SCYL2: variants seen among roughly 807,000 people sequenced by gnomAD.
The protein encoded by SCYL2 is SCY1 like pseudokinase 2.
A neutral mutation model predicts 100.4 loss-of-function variants in SCYL2; 36 were observed. The ratio of observed to expected loss-of-function variants is 0.36; its 90% CI spans 0.27 to 0.47. SCYL2 has a LOEUF of 0.47. SCYL2 is among the 20% of genes least tolerant of loss of function. The probability of loss-of-function intolerance (pLI) is 1.00; values close to 1 mark genes in which losing one functional copy is unlikely to be tolerated. For missense variants in SCYL2, 902 were observed against 1,083.9 expected, an observed-to-expected ratio of 0.83 and a Z score of 2.36; for synonymous variants, 330 against 359.2, an observed-to-expected ratio of 0.92 and a Z score of 0.92.
intron 1 of SCYL2, among the ~76,000 whole-genome samples, chr12:100,280,980 G>A (rs551573475): frequency 7.6e-6 from 1 of 131,238 alleles, no homozygotes; most frequent in African/African-American, 2.9e-5. Flanking sequence ...TCTTCTGACT[G>A]TATGCTTATG....
intron 7 of SCYL2, 112 bp from the exon 8 acceptor site, chr12:100,314,377 C>T (rs919369126): frequency 2.0e-5 from 14 of 700,750 alleles, no homozygotes; most frequent in Middle Eastern, 4.1e-4. Context: ...TGATCTTCAG[C>T]ATTTTGCTAA....
intron 1 of SCYL2, among the ~76,000 whole-genome samples, chr12:100,268,142 A>G (rs1441466794): frequency 6.6e-6 from 1 of 152,186 alleles, no homozygotes; most frequent in Non-Finnish European, 1.5e-5. Context: ...AGCTGCTTAA[A>G]AGCGCTATGC....
chr12:100,302,813 G>A (rs1055096370), intron 4 of SCYL2, among the ~76,000 whole-genome samples: 1 of 152,090 alleles, frequency 6.6e-6, no homozygotes, highest in South Asian at 2.1e-4. Context: ...GCTAGGTTGG[G>A]GAAGTTCTCC....
chr12:100,335,633 A>T lies in SCYL2; in HGVS notation c.1871A>T (p.Asp624Val). ...HIMQEQQKSL[D>V]IGNQMNVSEE... ...ATTCAACTCTCCTACAGATCTTTGGATATAGGAAATCAAATGAATGTTTCT... is the reference window on the plus strand; with the variant it reads ...ATTCAACTCTCCTACAGATCTTTGGTTATAGGAAATCAAATGAATGTTTCT... The change falls in exon 15 of 18, where the codon GAT becomes GTT. Residue 624 changes from aspartate to valine, a missense_variant. Physicochemically the swap from Asp to Val is radical, Grantham distance 152 (BLOSUM62 -3). Transcript: ENST00000360820. The T allele has an allele frequency of 6.2e-7, 1 of 1,600,844 alleles. No homozygotes were observed. The highest frequency in any genetic ancestry group is 8.5e-7 in the Non-Finnish European group (1 of 1,170,044).
intron 1 of SCYL2, among the ~76,000 whole-genome samples, chr12:100,275,269 A>G (rs1454447268): frequency 6.6e-6 from 1 of 151,726 alleles, no homozygotes; most frequent in Non-Finnish European, 1.5e-5. Context: ...TAGTGTGATC[A>G]CAGCTCACTG....
chr12:100,338,979 A>C lies in SCYL2; in HGVS notation c.2597A>C (p.Asn866Thr). The change falls in exon 18 of 18, where the codon AAT (asparagine) becomes ACT (threonine). Residue 866 changes from asparagine to threonine, a missense_variant. By Grantham distance (65) the Asn-to-Thr change is moderately conservative. Coordinates refer to ENST00000360820, the MANE Select transcript of SCYL2 (RefSeq NM_017988.6). ...CAACAGAAACCAAATCAGTGGCTTA[A>C]TCAGTTTGTACCTCCTCAAGGTTCT... The part of the protein sequence containing the change: ...LSQQKPNQWL[N>T]QFVPPQGSPT... 6.2e-7 allele frequency: 1 copy of C among 1,614,148 alleles called. No individual in the cohort carries two copies. The highest frequency in any genetic ancestry group is 1.1e-5 in the South Asian group (1 of 91,080).
At chr12:100,291,702 A>G in intron 3 of SCYL2, 42 bp downstream of exon 3, 1 of 1,489,210 alleles carries the variant, frequency 6.7e-7, no homozygotes, top group Non-Finnish European at 9.0e-7. Flanking sequence ...TTCCTGAACA[A>G]ATAGTTAAAA....
chr12:100,315,753 T>C lies in SCYL2; in HGVS notation c.1272+19T>C, dbSNP rs1592957841. 1 of 1,567,104 alleles carries C rather than the reference T, an allele frequency of 6.4e-7. No homozygotes were observed. Among genetic ancestry groups the C allele is most frequent in the East Asian group, 2.2e-5 (1 of 44,468 alleles). On this transcript the variant is annotated intron_variant, in intron 9 of 17. Coordinates refer to ENST00000360820, the MANE Select transcript of SCYL2 (RefSeq NM_017988.6). ...AATCCAGGTATGTTATAGATATTTT[T>C]GTGTATTTATCTACTGTTATTTATG...
chr12:100,272,891 A>G (rs191568335), intron 1 of SCYL2, among the ~76,000 whole-genome samples: 15 of 152,364 alleles, frequency 9.8e-5, no homozygotes, highest in Admixed American at 9.8e-4. Context: ...ACATGTAAAT[A>G]CAAAATAAAT....
rs543846144 is a variant in SCYL2 at position 100,267,356 on chromosome 12, G to T, written c.-465G>T. ...GGAGGCGTTTATTAGGGGGGCGGGG[G>T]GAAAGAGCCCCAGCACCGCCCCTCC... On this transcript the variant is annotated 5_prime_UTR_variant, in exon 1 of 18. Coordinates refer to ENST00000360820, the MANE Select transcript of SCYL2 (RefSeq NM_017988.6). 2 of 334,970 alleles carry T rather than the reference G, an allele frequency of 6.0e-6. No individual in the cohort carries two copies. Among genetic ancestry groups the T allele is most frequent in the Admixed American group, 9.9e-5 (2 of 20,268 alleles). 20.7% of individuals were successfully genotyped at this position (334,970 alleles called of 1,614,324 possible). A position where few individuals can be genotyped will look rare whatever the true frequency, so the allele number is the denominator to read the frequency against.
chr12:100,294,282 G>C (rs1398471725), intron 3 of SCYL2, among the ~76,000 whole-genome samples: 17 of 131,158 alleles, frequency 1.3e-4, no homozygotes, highest in Admixed American at 1.2e-3. Flanking sequence ...CCTCCCGGAC[G>C]GGGCGGCTGG....
intron 11 of SCYL2, among the ~76,000 whole-genome samples, chr12:100,324,445 T>C (rs2096359569): frequency 6.6e-6 from 1 of 152,216 alleles, no homozygotes; most frequent in South Asian, 2.1e-4. Context: ...TTTGTAAAAC[T>C]AGTTCTCTGG....
chr12:100,276,352 A>G (rs2096292458), intron 1 of SCYL2, among the ~76,000 whole-genome samples: 1 of 151,968 alleles, frequency 6.6e-6, no homozygotes, highest in Non-Finnish European at 1.5e-5. Flanking sequence ...TATTTTTGAA[A>G]TAGGATCCCA....
rs1592931758 is a variant in SCYL2, at chr12:100,283,167, C to G, written c.177+20C>G. On this transcript the variant is annotated intron_variant, in intron 2 of 17. Transcript: ENST00000360820. ...AAGCAGGTGAGTTTTAATTCAGCAT[C>G]CACTTGGAAAAAACCCACATGCTAA... 6.4e-7 allele frequency: 1 copy of G among 1,562,936 alleles called. No individual in the cohort carries two copies. The highest frequency in any genetic ancestry group is 1.4e-5 in the African/African-American group (1 of 72,704).
chr12:100,291,825 C>A, intron 3 of SCYL2, 165 bp downstream of exon 3: 4 of 596,424 alleles, frequency 6.7e-6, no homozygotes, highest in Non-Finnish European at 1.1e-5. Context: ...GCATTGTCTA[C>A]GTATATGTCT....
chr12:100,320,269 G>A (rs1001562201), intron 10 of SCYL2, among the ~76,000 whole-genome samples: 3 of 152,190 alleles, frequency 2.0e-5, no homozygotes, highest in Admixed American at 6.5e-5. Flanking sequence ...CCCGGGCTGG[G>A]TGCGGTGGCT....
At chr12:100,294,162 CT>C (rs1566351031) in intron 3 of SCYL2, among the ~76,000 whole-genome samples, 3 of 137,020 alleles carry the variant, frequency 2.2e-5, no homozygotes, top group African/African-American at 9.2e-5. Flanking sequence ...GGGGGGCTGA[CT>C]CCCCCACCTC....
chr12:100,294,381 G>C (rs1334326417), intron 3 of SCYL2, among the ~76,000 whole-genome samples: 11 of 119,796 alleles, frequency 9.2e-5, no homozygotes, highest in Admixed American at 3.2e-4. Flanking sequence ...CCGGGCGGGG[G>C]GCTGACCCCC....
At chr12:100,336,782 A>T (rs1423916110) in intron 16 of SCYL2, among the ~76,000 whole-genome samples, 1 of 152,104 alleles carries the variant, frequency 6.6e-6, no homozygotes, top group Non-Finnish European at 1.5e-5. Context: ...CTTGGTTAGC[A>T]TCCAATAAAA....
Sources: allele counts gnomAD v4.1 joint callset (sites outside exome capture counted in the v4.1 genomes callset), GRCh38; gene constraint gnomAD v4.1.1; transcripts MANE v1.5; gene names NCBI Gene and HGNC (gene_info 2026-07-23, HGNC 2026-07-21).